The following TENM3 variants were observed in gnomAD, a reference collection of about 807,000 sequenced individuals.
The protein encoded by TENM3 is teneurin-3.
Under a neutral mutation model 255.1 loss-of-function variants are expected in TENM3, and 63 were observed. The observed-to-expected ratio is 0.25, with a 90% confidence interval of 0.20 to 0.30. The LOEUF is 0.30. Ranked by LOEUF, TENM3 falls within the 10% of genes least tolerant of loss-of-function variation. The probability of loss-of-function intolerance (pLI) is 1.00; values close to 1 mark genes in which losing one functional copy is unlikely to be tolerated. For missense variants in TENM3, 2,929 were observed against 3,461.1 expected (o/e 0.85, Z 3.86); for synonymous variants, 1,306 against 1,322.3 (o/e 0.99, Z 0.27).
At chr4:181,949,756 C>T in the TENM3 span, among the ~76,000 whole-genome samples, 2 of 152,166 alleles carry the variant, frequency 1.3e-5, no homozygotes, top group Non-Finnish European at 2.9e-5. Flanking sequence ...CCCACACCCT[C>T]TCTGAGTTCA....
the TENM3 span, among the ~76,000 whole-genome samples, chr4:181,983,227 C>T: frequency 3.3e-5 from 5 of 152,046 alleles, no homozygotes; most frequent in African/African-American, 4.8e-5. Context: ...TTTAAAATTC[C>T]TTCTGCATGT....
chr4:182,608,622 C>T (rs1748659692), intron 4 of TENM3, among the ~76,000 whole-genome samples: 1 of 152,264 alleles, frequency 6.6e-6, no homozygotes, highest in South Asian at 2.1e-4. Context: ...GCTGCAGCCG[C>T]CCGGTCTGCA....
rs1223538482 is a variant in TENM3 at position 182,518,796 on chromosome 4, A to G, written c.512-82128A>G. ...CATAAATTTGTTGTTCTAACTGGCTAAGATTAAATGGTAATTTGTTACTTA... is the reference window on the plus strand; with the variant it reads ...CATAAATTTGTTGTTCTAACTGGCTGAGATTAAATGGTAATTTGTTACTTA... On this transcript the variant is annotated intron_variant, in intron 3 of 27. Coordinates refer to ENST00000511685, the MANE Select transcript of TENM3 (RefSeq NM_001080477.4). Among the ~76,000 whole-genome samples, 5 of 152,252 alleles carry G rather than the reference A, an allele frequency of 3.3e-5. No homozygotes were observed. The East Asian group carries it at 9.6e-4, about 29-fold the overall frequency.
chr4:181,575,230 C>G, the TENM3 span, among the ~76,000 whole-genome samples: 1 of 152,084 alleles, frequency 6.6e-6, no homozygotes, highest in Non-Finnish European at 1.5e-5. Flanking sequence ...TTTAGAAGCT[C>G]TACATCTCCA....
chr4:182,140,476 C>T (rs1749316894), upstream of TENM3, among the ~76,000 whole-genome samples: 1 of 152,150 alleles, frequency 6.6e-6, no homozygotes, highest in Non-Finnish European at 1.5e-5. Flanking sequence ...GGAGAGGTTG[C>T]AGCCGGGGCA....
the TENM3 span, among the ~76,000 whole-genome samples, chr4:181,592,362 T>C: frequency 1.7e-4 from 25 of 144,556 alleles, no homozygotes; most frequent in African/African-American, 6.5e-4. Flanking sequence ...TAAATCAAGA[T>C]GACTAAGTTT....
chr4:181,529,924 A>G, the TENM3 span, among the ~76,000 whole-genome samples: 1 of 152,216 alleles, frequency 6.6e-6, no homozygotes, highest in Non-Finnish European at 1.5e-5. Flanking sequence ...GGCCTTAAGA[A>G]AAGACCAAAG....
At chr4:182,311,773 C>T (rs1250643641) in intron 1 of TENM3, among the ~76,000 whole-genome samples, 1 of 152,174 alleles carries the variant, frequency 6.6e-6, no homozygotes, top group Non-Finnish European at 1.5e-5. Context: ...GGAATATGCC[C>T]AGCACTTAGG....
chr4:182,113,481 A>C, the TENM3 span, among the ~76,000 whole-genome samples: 1 of 152,318 alleles, frequency 6.6e-6, no homozygotes, highest in African/African-American at 2.4e-5. Flanking sequence ...CTATTACCTG[A>C]GATAATTGAG....
At chr4:182,726,343 T>C (rs551395004) in intron 13 of TENM3, among the ~76,000 whole-genome samples, 1 of 69,938 alleles carries the variant, frequency 1.4e-5, no homozygotes, top group Non-Finnish European at 3.2e-5. Flanking sequence ...TACGTTTCTA[T>C]AACTGAAAAG....
the TENM3 span, among the ~76,000 whole-genome samples, chr4:181,956,878 A>C: frequency 6.6e-6 from 1 of 152,202 alleles, no homozygotes; most frequent in Non-Finnish European, 1.5e-5. Context: ...TAATTCAAAC[A>C]CTTTTCTTAT....
the TENM3 span, among the ~76,000 whole-genome samples, chr4:181,830,647 A>G: frequency 6.6e-6 from 1 of 152,162 alleles, no homozygotes; most frequent in Non-Finnish European, 1.5e-5. Flanking sequence ...AACATCCCTC[A>G]GAGTAAAGAG....
chr4:181,992,291 G>A, the TENM3 span, among the ~76,000 whole-genome samples: 1 of 152,076 alleles, frequency 6.6e-6, no homozygotes, highest in Non-Finnish European at 1.5e-5. Context: ...AAATGAACAC[G>A]AAAACAAATT....
chr4:182,490,316 G>A (rs147332238), intron 3 of TENM3, among the ~76,000 whole-genome samples: 1 of 152,094 alleles, frequency 6.6e-6, no homozygotes, highest in Non-Finnish European at 1.5e-5. Flanking sequence ...TGTTTAACTA[G>A]CCATGATAAC....
intron 3 of TENM3, among the ~76,000 whole-genome samples, chr4:182,445,028 C>G (rs1317634096): frequency 1.3e-5 from 2 of 152,098 alleles, no homozygotes; most frequent in African/African-American, 4.8e-5. Flanking sequence ...AGGCTGGTCT[C>G]GAACTCCTGA....
At chr4:182,757,172 C>T (rs1172355731) in intron 22 of TENM3, among the ~76,000 whole-genome samples, 4 of 151,874 alleles carry the variant, frequency 2.6e-5, no homozygotes, top group African/African-American at 4.8e-5. Flanking sequence ...ATTCGCCAGG[C>T]GTGGTGGCAG....
In TENM3 at chr4:182,743,336, C is replaced by A. The variant is rs371572552; in HGVS notation, c.3546C>A (p.Ile1182=). Residue 1182 remains isoleucine, a synonymous_variant, in exon 19 of 28, where the codon ATC becomes ATA. Coordinates refer to ENST00000511685, the MANE Select transcript of TENM3 (RefSeq NM_001080477.4). The part of the protein sequence containing the change: ...LLAPVALACG[I]DGSLYVGDFN... ...CCCCAGTGGCGCTAGCTTGTGGGATCGATGGCAGTCTGTACGTAGGCGATT... is the reference window on the plus strand; with the variant it reads ...CCCCAGTGGCGCTAGCTTGTGGGATAGATGGCAGTCTGTACGTAGGCGATT... 90 of 1,613,832 alleles carry A rather than the reference C, an allele frequency of 5.6e-5. No individual in the cohort carries two copies. The highest frequency in any genetic ancestry group is 6.9e-5 in the Non-Finnish European group (82 of 1,179,876).
the TENM3 span, among the ~76,000 whole-genome samples, chr4:181,697,211 C>T: frequency 6.6e-6 from 1 of 152,240 alleles, no homozygotes; most frequent in East Asian, 1.9e-4. Context: ...CTGAGAGTGG[C>T]GAGTGCCTTG....
the TENM3 span, among the ~76,000 whole-genome samples, chr4:181,603,406 G>A: frequency 6.6e-6 from 1 of 152,104 alleles, no homozygotes; most frequent in African/African-American, 2.4e-5. Flanking sequence ...GTCATTATTA[G>A]CACTTCAGTT....
Sources: gnomAD v4.1 joint callset for allele counts (sites outside exome capture counted in the v4.1 genomes callset) on GRCh38, gnomAD v4.1.1 for gene constraint, MANE v1.5 for transcripts, NCBI Gene and HGNC (gene_info 2026-07-23, HGNC 2026-07-21) for gene names.